The following TBX15 variants were observed in gnomAD, a reference collection of about 807,000 sequenced individuals.
The protein encoded by TBX15 is T-box transcription factor TBX15.
A neutral mutation model predicts 53.9 loss-of-function variants in TBX15; 18 were observed. The observed-to-expected ratio is 0.33, with a 90% CI of 0.23 to 0.49. TBX15 has a LOEUF of 0.49. TBX15 is among the 20% of genes least tolerant of loss of function. TBX15 has a pLI of 0.98. For synonymous variants in TBX15, 295 were observed against 278.0 expected, an observed-to-expected ratio of 1.06 and a Z score of -0.61; for missense variants, 692 against 749.5, an observed-to-expected ratio of 0.92 and a Z score of 0.90.
At chr1:118,972,784 G>C (rs1372693596) in intron 1 of TBX15, among the ~76,000 whole-genome samples, 1 of 152,054 alleles carries the variant, frequency 6.6e-6, no homozygotes, top group Non-Finnish European at 1.5e-5. Flanking sequence ...ATTTTTAGTA[G>C]AGATGAGATT....
At chr1:118,908,745 G>C (rs184395684) in intron 6 of TBX15, among the ~76,000 whole-genome samples, 1 of 149,036 alleles carries the variant, frequency 6.7e-6, no homozygotes, top group East Asian at 1.9e-4. Context: ...ACCTACTCCT[G>C]TCTCTCTCTC....
intron 1 of TBX15, among the ~76,000 whole-genome samples, chr1:118,983,769 C>G (rs1489600664): frequency 6.6e-6 from 1 of 152,170 alleles, no homozygotes; most frequent in Admixed American, 6.5e-5. Flanking sequence ...CCCAGCAGAC[C>G]CTCCGGCATC....
intron 1 of TBX15, among the ~76,000 whole-genome samples, chr1:118,944,363 T>C (rs2101642382): frequency 6.6e-6 from 1 of 152,310 alleles, no homozygotes; most frequent in South Asian, 2.1e-4. Context: ...AAAGTGAACA[T>C]GTTATTCTTA....
intron 5 of TBX15, among the ~76,000 whole-genome samples, chr1:118,922,576 GA>G (rs1655458853): frequency 6.6e-6 from 1 of 152,156 alleles, no homozygotes; most frequent in Non-Finnish European, 1.5e-5. Context: ...GAAAAGATCA[GA>G]AATCAAACCA....
chr1:118,897,438 G>T (rs989881382), intron 7 of TBX15, among the ~76,000 whole-genome samples: 1 of 152,066 alleles, frequency 6.6e-6, no homozygotes, highest in African/African-American at 2.4e-5. Context: ...AACCTTCTCC[G>T]ACCAGCCTCC....
rs117547433 is a variant in TBX15, at chr1:118,968,614, T to C, written c.205+18977A>G. Among the ~76,000 whole-genome samples the C allele has an allele frequency of 9.7e-4, 148 of 152,278 alleles. 2 individuals are homozygous for C. The East Asian group carries it at 0.028, about 28-fold the overall frequency. ...ATATTGCGAATATATGCATATTGCA[T>C]TTGTGAGTAAACAGCCTGTTTTGCC... On this transcript the variant is annotated intron_variant, in intron 1 of 7. Transcript: ENST00000369429.
chr1:118,926,736 C>T (rs1655607922), intron 2 of TBX15, 125 bp from the exon 3 acceptor site: 2 of 807,198 alleles, frequency 2.5e-6, no homozygotes, highest in Non-Finnish European at 4.1e-6. Flanking sequence ...GATGGAGTCT[C>T]GCTCTGTCAC....
At chr1:118,890,923 G>A in intron 7 of TBX15, 1 of 1,304,208 alleles carries the variant, frequency 7.7e-7, no homozygotes, top group African/African-American at 1.5e-5. Flanking sequence ...TGTCTCTGAG[G>A]AGTGCTGATT....
intron 1 of TBX15, among the ~76,000 whole-genome samples, chr1:118,977,975 T>G (rs1164787666): frequency 6.6e-6 from 1 of 152,256 alleles, no homozygotes; most frequent in Non-Finnish European, 1.5e-5. Flanking sequence ...GTTGCTTTTT[T>G]CAACCCTCAT....
chr1:118,957,899 CT>C (rs1408970397), intron 1 of TBX15, among the ~76,000 whole-genome samples: 1 of 152,182 alleles, frequency 6.6e-6, no homozygotes, highest in Non-Finnish European at 1.5e-5. Flanking sequence ...GGTTACAAGT[CT>C]TTGCTGTTGT....
chr1:118,930,940 G>A (rs898891762), intron 2 of TBX15, among the ~76,000 whole-genome samples: 2 of 152,146 alleles, frequency 1.3e-5, no homozygotes, highest in African/African-American at 2.4e-5. Context: ...ACCTCATAGG[G>A]TTCCTGTAAG....
intron 7 of TBX15, among the ~76,000 whole-genome samples, chr1:118,897,261 T>C (rs1224455432): frequency 6.6e-6 from 1 of 152,124 alleles, no homozygotes; most frequent in Non-Finnish European, 1.5e-5. Context: ...AAGAAGAAGT[T>C]TGAGAGTGGC....
intron 6 of TBX15, among the ~76,000 whole-genome samples, chr1:118,908,475 G>A (rs1207682115): frequency 6.6e-6 from 1 of 151,970 alleles, no homozygotes; most frequent in African/African-American, 2.4e-5. Flanking sequence ...TCTCCCAGAG[G>A]CAACCCTGGA....
intron 1 of TBX15, among the ~76,000 whole-genome samples, chr1:118,961,655 T>C (rs1452739062): frequency 6.6e-6 from 1 of 152,172 alleles, no homozygotes; most frequent in African/African-American, 2.4e-5. Context: ...GGAAGAAAAG[T>C]GATTTGCTCA....
At chr1:118,889,140 T>G (rs1320738709) in intron 7 of TBX15, among the ~76,000 whole-genome samples, 1 of 152,208 alleles carries the variant, frequency 6.6e-6, no homozygotes, top group Non-Finnish European at 1.5e-5. Flanking sequence ...AAGGTCACCT[T>G]GCTTCCATGC....
At position 118,921,614 on chromosome 1, in the gene TBX15, A is replaced by G. The variant is rs148527277; in HGVS notation, c.861+1822T>C. On this transcript the variant is annotated intron_variant, in intron 5 of 7. Transcript: ENST00000369429. ...TAACTCGTAGAAAATTTAAGACTAA[A>G]ACCCAGGTCTCCAAATGTCTAGCCC... 3.1e-4 allele frequency among the ~76,000 whole-genome samples: 47 copies of G among 152,342 alleles called. No homozygotes were observed. The East Asian group carries it at 8.7e-3, about 28-fold the overall frequency.
At chr1:118,971,721 T>C (rs572645747) in intron 1 of TBX15, among the ~76,000 whole-genome samples, 3 of 152,340 alleles carry the variant, frequency 2.0e-5, no homozygotes, top group African/African-American at 7.2e-5. Flanking sequence ...CATATATGTT[T>C]ACATGTGCAC....
At chr1:118,931,012 C>T (rs548130749) in intron 2 of TBX15, among the ~76,000 whole-genome samples, 9 of 152,290 alleles carry the variant, frequency 5.9e-5, no homozygotes, top group African/African-American at 1.4e-4. Flanking sequence ...AAAGTTGAAA[C>T]ATACCAATAA....
At chr1:118,942,365 G>A (rs1443451502) in intron 1 of TBX15, among the ~76,000 whole-genome samples, 1 of 152,200 alleles carries the variant, frequency 6.6e-6, no homozygotes, top group East Asian at 1.9e-4. Flanking sequence ...TGTTTTCGTT[G>A]AATGAATTAA....
Sources: gnomAD v4.1 joint callset for allele counts (sites outside exome capture counted in the v4.1 genomes callset) on GRCh38, gnomAD v4.1.1 for gene constraint, MANE v1.5 for transcripts, NCBI Gene and HGNC (gene_info 2026-07-23, HGNC 2026-07-21) for gene names.